The following ACSF3 variants were observed in gnomAD, a reference collection of about 807,000 sequenced individuals.
The protein encoded by ACSF3 is malonate--CoA ligase ACSF3, mitochondrial.
ACSF3 carries 78 observed loss-of-function variants against 53.2 expected under a neutral mutation model. The ratio of observed to expected loss-of-function variants is 1.47; its 90% CI spans 1.22 to 1.77. The LOEUF is 1.77. Ranked by LOEUF, ACSF3 falls within the 40% of genes most tolerant of loss-of-function variation. The pLI is 0.00. For synonymous variants in ACSF3, 414 were observed against 333.1 expected, an observed-to-expected ratio of 1.24 and a Z score of -2.65; for missense variants, 937 against 771.1, an observed-to-expected ratio of 1.22 and a Z score of -2.55.
chr16:89,109,481 G>A (rs916907011), intron 4 of ACSF3, among the ~76,000 whole-genome samples: 1 of 140,998 alleles, frequency 7.1e-6, no homozygotes, highest in Non-Finnish European at 1.5e-5. Flanking sequence ...GCTCAGTCTC[G>A]GCTCACTGCA....
intron 4 of ACSF3, 68 bp from the exon 5 acceptor site, chr16:89,112,024 C>T: frequency 1.9e-5 from 3 of 154,672 alleles, no homozygotes. Context: ...GTGCCTGGAG[C>T]CAGGAGCCTC....
At chr16:89,124,777 G>A (rs1030665196) in intron 7 of ACSF3, among the ~76,000 whole-genome samples, 9 of 90,628 alleles carry the variant, frequency 9.9e-5, no homozygotes, top group African/African-American at 3.2e-4. Context: ...TGACACCTGT[G>A]CGCACACTGC....
intron 4 of ACSF3, among the ~76,000 whole-genome samples, chr16:89,103,513 C>T (rs1189267300): frequency 6.6e-6 from 1 of 152,252 alleles, no homozygotes; most frequent in African/African-American, 2.4e-5. Flanking sequence ...CTCGGCTTCC[C>T]TTTGTGCAGC....
At chr16:89,125,328 A>C (rs1460116480) in intron 7 of ACSF3, among the ~76,000 whole-genome samples, 1 of 136,260 alleles carries the variant, frequency 7.3e-6, no homozygotes, top group Non-Finnish European at 1.6e-5. Flanking sequence ...GGGCAACAAG[A>C]GCAAAACTCT....
At position 89,155,339 on chromosome 16, in the gene ACSF3, C is replaced by G. The variant is rs1333554956; in HGVS notation, c.*1132C>G. On this transcript the variant is annotated 3_prime_UTR_variant, in exon 11 of 11. Coordinates refer to ENST00000614302, the MANE Select transcript of ACSF3 (RefSeq NM_001243279.3). ...CGAGTGTGCCGGGCAGGAGGCCAGC[C>G]CCATCTCAGGCTCACGTGCCTCTGA... 1 of 452,050 alleles carries G rather than the reference C, an allele frequency of 2.2e-6. No individual in the cohort carries two copies. The highest frequency in any genetic ancestry group is 1.6e-5 in the South Asian group (1 of 64,448). 28.0% of individuals were successfully genotyped at this position (452,050 alleles called of 1,614,324 possible).
chr16:89,117,388 G>A (rs528735006), intron 6 of ACSF3, among the ~76,000 whole-genome samples: 24 of 152,310 alleles, frequency 1.6e-4, no homozygotes, highest in African/African-American at 5.5e-4. Context: ...CCTCACTAGA[G>A]AAGATGGACA....
In ACSF3 at chr16:89,146,019, T is replaced by C. The variant is rs756747691; in HGVS notation, c.1583T>C (p.Leu528Pro). The C allele has an allele frequency of 1.4e-6, 2 of 1,476,720 alleles. No individual in the cohort carries two copies. The highest frequency in any genetic ancestry group is 1.8e-6 in the Non-Finnish European group (2 of 1,095,862). The allele number at this position is 1,476,720 out of a possible 1,614,324, so 91.5% of individuals were successfully genotyped here. The change falls in exon 10 of 11, where the codon CTG becomes CCG. Residue 528 changes from leucine to proline, a missense_variant. Physicochemically the swap from Leu to Pro is moderately conservative, Grantham distance 98. Coordinates refer to ENST00000614302, the MANE Select transcript of ACSF3 (RefSeq NM_001243279.3). Reference sequence around the variant, plus strand: ...GTGACCCTCCGAGAAGGACACTCACTGTCCCACAGGGAGCTCAAAGAGTGG... The same window carrying C: ...GTGACCCTCCGAGAAGGACACTCACCGTCCCACAGGGAGCTCAAAGAGTGG... The part of the protein sequence containing the change: ...AVVTLREGHS[L>P]SHRELKEWAR...
intron 7 of ACSF3, among the ~76,000 whole-genome samples, chr16:89,130,203 A>G (rs773893984): frequency 7.2e-5 from 11 of 152,228 alleles, no homozygotes; most frequent in Non-Finnish European, 1.3e-4. Flanking sequence ...GAATGTCTTT[A>G]TCTTCCTTCC....
In ACSF3 at chr16:89,093,952, T is replaced by C; in HGVS notation, c.-238T>C. 1 of 321,064 alleles carries C rather than the reference T, an allele frequency of 3.1e-6. No individual in the cohort carries two copies. The allele number at this position is 321,064 out of a possible 1,614,324, so 19.9% of individuals were successfully genotyped here. ...GCGCGCGGCGGAGGACGAGGAAGAG[T>C]TGTGGCGAGGCAGATCCTGCCCCGT... On this transcript the variant is annotated 5_prime_UTR_variant, in exon 1 of 11. Coordinates refer to ENST00000614302, the MANE Select transcript of ACSF3 (RefSeq NM_001243279.3).
intron 8 of ACSF3, among the ~76,000 whole-genome samples, chr16:89,140,475 C>G (rs964063760): frequency 6.6e-6 from 1 of 152,172 alleles, no homozygotes. Flanking sequence ...GGGCTTCCCT[C>G]GGCACTTTCC....
At chr16:89,120,706 A>G in intron 6 of ACSF3, 95 bp from the exon 7 acceptor site, 1 of 1,215,296 alleles carries the variant, frequency 8.2e-7, no homozygotes, top group Non-Finnish European at 1.2e-6. Context: ...CACGTGGCAC[A>G]CGGGAGCTCA....
intron 7 of ACSF3, among the ~76,000 whole-genome samples, chr16:89,132,033 G>T (rs938558223): frequency 7.2e-5 from 11 of 152,208 alleles, no homozygotes; most frequent in Non-Finnish European, 1.5e-4. Context: ...GCCCCTCCTG[G>T]AGGAGCCCAG....
intron 8 of ACSF3, among the ~76,000 whole-genome samples, chr16:89,143,159 C>T (rs1232067246): frequency 6.6e-6 from 1 of 152,318 alleles, no homozygotes; most frequent in East Asian, 1.9e-4. Context: ...TTTCTCCCAG[C>T]ATCAGCCTGG....
chr16:89,155,690 G>A lies in ACSF3; in HGVS notation c.*1483G>A, dbSNP rs1384040732. ...CAGACGTTTGTGTCTAGGCCTTGCT[G>A]GTAGCTAAGGAAATGCCTTCTGTTG... On this transcript the variant is annotated 3_prime_UTR_variant, in exon 11 of 11. Transcript: ENST00000614302. 2.2e-6 allele frequency: 1 copy of A among 454,014 alleles called. No individual in the cohort carries two copies. Among genetic ancestry groups the A allele is most frequent in the African/African-American group, 2.0e-5 (1 of 50,004 alleles). 28.1% of individuals were successfully genotyped at this position (454,014 alleles called of 1,614,324 possible).
At chr16:89,099,652 C>T (rs562895388) in intron 2 of ACSF3, among the ~76,000 whole-genome samples, 3 of 151,978 alleles carry the variant, frequency 2.0e-5, no homozygotes, top group South Asian at 4.2e-4. Context: ...CATGGTGGTG[C>T]GCACCTATAA....
rs534171319 is a variant in ACSF3 at position 89,154,458 on chromosome 16, G to A, written c.*251G>A. The A allele has an allele frequency of 1.3e-3, 849 of 633,606 alleles. 5 individuals are homozygous for A. The Middle Eastern group carries it at 0.025, about 18-fold the overall frequency. The allele number at this position is 633,606 out of a possible 1,614,324, so 39.2% of individuals were successfully genotyped here. ...TCACCGCCGACCTCATCTGTGCAGC[G>A]CGGTGCAGCCAGCCCCTGGCCCCAC... On this transcript the variant is annotated 3_prime_UTR_variant, in exon 11 of 11. Coordinates refer to ENST00000614302, the MANE Select transcript of ACSF3 (RefSeq NM_001243279.3).
At chr16:89,112,302 G>A (rs946698436) in intron 5 of ACSF3, 56 bp downstream of exon 5, 45 of 1,597,138 alleles carry the variant, frequency 2.8e-5, no homozygotes, top group Middle Eastern at 1.7e-4. Flanking sequence ...CAACAGATAC[G>A]ACTTATTTCT....
intron 7 of ACSF3, among the ~76,000 whole-genome samples, chr16:89,132,546 C>T (rs1274233913): frequency 3.3e-5 from 5 of 152,240 alleles, no homozygotes; most frequent in Admixed American, 3.3e-4. Context: ...ATGGCAGTGC[C>T]TGCATGCTTA....
chr16:89,151,095 G>T (rs1489429295), intron 10 of ACSF3: 1 of 1,262,568 alleles, frequency 7.9e-7, no homozygotes. Flanking sequence ...ACGAAACCTC[G>T]CCTCAGGCAT....
Sources: allele counts gnomAD v4.1 joint callset (sites outside exome capture counted in the v4.1 genomes callset), GRCh38; gene constraint gnomAD v4.1.1; transcripts MANE v1.5; gene names NCBI Gene and HGNC (gene_info 2026-07-23, HGNC 2026-07-21).